Variants in NR1D2 observed in about 807,000 individuals in gnomAD.
NR1D2 encodes the protein nuclear receptor subfamily 1 group D member 2, also known as V-erbA-related protein 1-related.
NR1D2 carries 25 observed loss-of-function variants against 52.2 expected under a neutral mutation model. That is an observed-to-expected ratio of 0.48 (90% confidence interval 0.35 to 0.67). NR1D2 has a LOEUF of 0.67. Among genes scored for constraint, NR1D2 ranks in the 30% least tolerant of loss-of-function variants. The pLI, the probability that NR1D2 is intolerant of heterozygous loss-of-function variation, is 0.01. For missense variants in NR1D2, 681 were observed against 707.2 expected (o/e 0.96, Z 0.42); for synonymous variants, 259 against 230.1 (o/e 1.13, Z -1.14).
At chr3:23,961,575 T>C (rs1706247038) in intron 4 of NR1D2, among the ~76,000 whole-genome samples, 2 of 151,932 alleles carry the variant, frequency 1.3e-5, no homozygotes, top group South Asian at 4.1e-4. Flanking sequence ...TTTGTTTTTT[T>C]AGTAGAGACG....
chr3:23,953,956 G>A (rs1287788911), intron 1 of NR1D2, among the ~76,000 whole-genome samples: 1 of 152,146 alleles, frequency 6.6e-6, no homozygotes, highest in African/African-American at 2.4e-5. Context: ...TAGGTGTGAG[G>A]ATCTCCATGT....
chr3:23,955,942 C>A lies in NR1D2; in HGVS notation c.284-95C>A, dbSNP rs1208500255. 5 of 801,632 alleles carry A rather than the reference C, an allele frequency of 6.2e-6. No individual in the cohort carries two copies. In the Admixed American group the frequency reaches 9.6e-5, roughly 15 times the overall value. 49.7% of individuals were successfully genotyped at this position (801,632 alleles called of 1,614,324 possible). A position where few individuals can be genotyped will look rare whatever the true frequency, so the allele number is the denominator to read the frequency against. ...AAAGTAGATGTGTATCTTCTAAAAG[C>A]TCTTACACGTTGAATGAAATAAAAT... On this transcript the variant is annotated intron_variant, in intron 2 of 7. Coordinates refer to ENST00000312521, the MANE Select transcript of NR1D2 (RefSeq NM_005126.5).
In NR1D2 at chr3:23,956,068, C is replaced by G. The variant is rs145963481; in HGVS notation, c.315C>G (p.Val105=). ...GTGGCATGGTTCTACTGTGTAAAGT[C>G]TGTGGGGATGTGGCGTCAGGATTCC... ...KFSGMVLLCK[V]CGDVASGFHY... Residue 105 remains valine (V), a synonymous_variant, in exon 3 of 8, where the codon GTC becomes GTG. Transcript: ENST00000312521. 6.2e-7 allele frequency: 1 copy of G among 1,614,012 alleles called. No homozygotes were observed.
chr3:23,979,908 A>G lies in NR1D2; in HGVS notation c.*2489A>G, dbSNP rs1374636394. 1 of 152,144 alleles carries G rather than the reference A, an allele frequency of 6.6e-6. No individual in the cohort carries two copies. Among genetic ancestry groups the G allele is most frequent in the Non-Finnish European group, 1.5e-5 (1 of 67,968 alleles). 9.4% of individuals were successfully genotyped at this position (152,144 alleles called of 1,614,324 possible). A position where few individuals can be genotyped will look rare whatever the true frequency, so the allele number is the denominator to read the frequency against. On this transcript the variant is annotated 3_prime_UTR_variant, in exon 8 of 8. Coordinates refer to ENST00000312521, the MANE Select transcript of NR1D2 (RefSeq NM_005126.5). ...TACATTTTAAAGTTAAAATGTGGGCATTATGTCAGCAAACTTAAGGGCATT... is the reference window on the plus strand; with the variant it reads ...TACATTTTAAAGTTAAAATGTGGGCGTTATGTCAGCAAACTTAAGGGCATT...
At chr3:23,960,043 A>G (rs939404355) in intron 4 of NR1D2, 29 of 325,700 alleles carry the variant, frequency 8.9e-5, no homozygotes, top group Non-Finnish European at 1.4e-4. Context: ...TGCTTCTTCT[A>G]AAAAGAGCCA....
intron 3 of NR1D2, among the ~76,000 whole-genome samples, chr3:23,956,599 G>C (rs1310703757): frequency 6.6e-6 from 1 of 151,918 alleles, no homozygotes; most frequent in African/African-American, 2.4e-5. Flanking sequence ...AAAAAAATGT[G>C]GTATCTTAAA....
At position 23,964,962 on chromosome 3, in the gene NR1D2, T is replaced by G. The variant is rs1306753462; in HGVS notation, c.1147-15T>G. The G allele has an allele frequency of 6.4e-7, 1 of 1,562,466 alleles. No homozygotes were observed. The highest frequency in any genetic ancestry group is 1.4e-5 in the African/African-American group (1 of 72,766). On this transcript the variant is annotated splice_polypyrimidine_tract_variant and intron_variant, in intron 5 of 7. Transcript: ENST00000312521. The stretch of plus-strand genomic sequence containing the variant: ...CTCTTAGTATTTAAGAGTTTTTCCG[T>G]TTTATGTATACTAGGTTTGTCCAAT...
chr3:23,979,401 A>G lies in NR1D2; in HGVS notation c.*1982A>G, dbSNP rs552120393. 1.3e-5 allele frequency: 2 copies of G among 152,214 alleles called. No individual in the cohort carries two copies. Among genetic ancestry groups the G allele is most frequent in the East Asian group, 3.9e-4 (2 of 5,194 alleles). The allele number at this position is 152,214 out of a possible 1,614,324, so 9.4% of individuals were successfully genotyped here. The stretch of plus-strand genomic sequence containing the variant: ...GTGATAGAAACAGCTTTTTGAAGTA[A>G]TGAAAACCTCAAAAGATCATGTTGA... On this transcript the variant is annotated 3_prime_UTR_variant, in exon 8 of 8. Coordinates refer to ENST00000312521, the MANE Select transcript of NR1D2 (RefSeq NM_005126.5).
intron 4 of NR1D2, among the ~76,000 whole-genome samples, chr3:23,961,654 C>CCT (rs1706250137): frequency 6.6e-6 from 1 of 151,972 alleles, no homozygotes; most frequent in African/African-American, 2.4e-5. Context: ...CCTCAGCCTC[C>CCT]CAAAGTGCTG....
In NR1D2 at chr3:23,979,475, A is replaced by G. The variant is rs1266430944; in HGVS notation, c.*2056A>G. 6.6e-6 allele frequency: 1 copy of G among 152,046 alleles called. No homozygotes were observed. The highest frequency in any genetic ancestry group is 2.4e-5 in the African/African-American group (1 of 41,452). 9.4% of individuals were successfully genotyped at this position (152,046 alleles called of 1,614,324 possible). A position where few individuals can be genotyped will look rare whatever the true frequency, so the allele number is the denominator to read the frequency against. ...AAGCCTCTTTATAACATGTATCTTT[A>G]AAACAATTAAGTCTTTAGGAATGTG... On this transcript the variant is annotated 3_prime_UTR_variant, in exon 8 of 8. Transcript: ENST00000312521.
Position 23,962,150 on chromosome 3 carries a change from C to T in NR1D2, c.691C>T (p.Pro231Ser). Residue 231 changes from proline to serine, a missense_variant, in exon 5 of 8, where the codon CCC becomes TCC. Physicochemically the swap from Pro to Ser is moderately conservative, Grantham distance 74. Coordinates refer to ENST00000312521, the MANE Select transcript of NR1D2 (RefSeq NM_005126.5). ...LPAQEQLRPK[P>S]QLEQENIKSS... is the part of the protein sequence containing the mutation. ...AGCCCAGGAACAGCTGCGACCCAAGCCCCAACTGGAGCAAGAAAACATCAA... is the reference window on the plus strand; with the variant it reads ...AGCCCAGGAACAGCTGCGACCCAAGTCCCAACTGGAGCAAGAAAACATCAA... 1.2e-6 allele frequency: 2 copies of T among 1,614,130 alleles called. No individual in the cohort carries two copies. Among genetic ancestry groups the T allele is most frequent in the Non-Finnish European group, 1.7e-6 (2 of 1,180,022 alleles).
At chr3:23,976,924 T>C (rs556918182) in intron 7 of NR1D2, among the ~76,000 whole-genome samples, 2 of 152,300 alleles carry the variant, frequency 1.3e-5, no homozygotes, top group East Asian at 3.9e-4. Context: ...GCAGTTGAAA[T>C]CAGATGACAT....
At position 23,978,083 on chromosome 3, in the gene NR1D2, ATTCTT is replaced by A. The variant is rs1258813208; in HGVS notation, c.*670_*674del. The A allele has an allele frequency of 6.6e-6, 1 of 152,188 alleles. No individual in the cohort carries two copies. The highest frequency in any genetic ancestry group is 1.5e-5 in the Non-Finnish European group (1 of 68,016). The allele number at this position is 152,188 out of a possible 1,614,324, so 9.4% of individuals were successfully genotyped here. A position where few individuals can be genotyped will look rare whatever the true frequency, so the allele number is the denominator to read the frequency against. On this transcript the variant is annotated 3_prime_UTR_variant, in exon 8 of 8. Transcript: ENST00000312521. Reference sequence around the variant, plus strand: ...TGTTATTACAATTATTCATAATAATATTCTTTTCTTATTTCTAAGCCTTTCTGGGA... The same window carrying A: ...TGTTATTACAATTATTCATAATAATATTCTTATTTCTAAGCCTTTCTGGGA...
intron 3 of NR1D2, among the ~76,000 whole-genome samples, chr3:23,958,910 C>T (rs1362587303): frequency 6.6e-6 from 1 of 152,132 alleles, no homozygotes; most frequent in Non-Finnish European, 1.5e-5. Context: ...GATCGCACCA[C>T]TGCACTCCAG....
chr3:23,956,491 A>G (rs954424080), intron 3 of NR1D2, among the ~76,000 whole-genome samples: 16 of 152,202 alleles, frequency 1.1e-4, no homozygotes, highest in African/African-American at 3.9e-4. Context: ...CCTTGTGGGA[A>G]CTTAGTTTAA....
rs1407289459 is a variant in NR1D2, at chr3:23,978,176, A to G, written c.*757A>G. Reference sequence around the variant, plus strand: ...TCCTGCCATATGTGTGGGGTATCCTACTGATACACACGTATTCAAAGTTTA... The same window carrying G: ...TCCTGCCATATGTGTGGGGTATCCTGCTGATACACACGTATTCAAAGTTTA... On this transcript the variant is annotated 3_prime_UTR_variant, in exon 8 of 8. Transcript: ENST00000312521. 1 of 152,176 alleles carries G rather than the reference A, an allele frequency of 6.6e-6. No individual in the cohort carries two copies. The highest frequency in any genetic ancestry group is 1.5e-5 in the Non-Finnish European group (1 of 68,032). The allele number at this position is 152,176 out of a possible 1,614,324, so 9.4% of individuals were successfully genotyped here. A position where few individuals can be genotyped will look rare whatever the true frequency, so the allele number is the denominator to read the frequency against.
chr3:23,951,653 CGAT>C (rs1445683933), intron 1 of NR1D2, among the ~76,000 whole-genome samples: 2 of 152,162 alleles, frequency 1.3e-5, no homozygotes, highest in African/African-American at 4.8e-5. Flanking sequence ...GCGGTTGTAT[CGAT>C]GAAATCATCA....
At position 23,959,708 on chromosome 3, in the gene NR1D2, A is replaced by T. The variant is rs767560036; in HGVS notation, c.410A>T (p.Tyr137Phe). The T allele has an allele frequency of 6.2e-7, 1 of 1,613,956 alleles. No homozygotes were observed. Among genetic ancestry groups the T allele is most frequent in the South Asian group, 1.1e-5 (1 of 91,048 alleles). Residue 137 changes from tyrosine to phenylalanine, a missense_variant, in exon 4 of 8, where the codon TAC (tyrosine) becomes TTC (phenylalanine). Coordinates refer to ENST00000312521, the MANE Select transcript of NR1D2 (RefSeq NM_005126.5). ...FRRSIQQNIQ[Y>F]KKCLKNENCS... ...AGAAGTATTCAACAAAACATCCAGT[A>T]CAAGAAGTGCCTGAAGAATGAAAAC...
At chr3:23,975,934 C>G (rs373433180) in intron 7 of NR1D2, among the ~76,000 whole-genome samples, 1 of 152,096 alleles carries the variant, frequency 6.6e-6, no homozygotes, top group Non-Finnish European at 1.5e-5. Context: ...TGTAAAAAAA[C>G]GAAAGGGCAT....
Sources: gnomAD v4.1 joint callset for allele counts (sites outside exome capture counted in the v4.1 genomes callset) on GRCh38, gnomAD v4.1.1 for gene constraint, MANE v1.5 for transcripts, NCBI Gene and HGNC (gene_info 2026-07-23, HGNC 2026-07-21) for gene names.